TULP4: variants seen among roughly 807,000 people sequenced by gnomAD.
TULP4 encodes tubby-related protein 4.
TULP4 carries 16 observed loss-of-function variants against 129.0 expected under a neutral mutation model. That is an observed-to-expected ratio of 0.12 (90% CI 0.08 to 0.19). TULP4 has a LOEUF of 0.19. Ranked by LOEUF, TULP4 falls within the 10% of genes least tolerant of loss-of-function variation. The pLI, the probability that TULP4 is intolerant of heterozygous loss-of-function variation, is 1.00. For missense variants in TULP4, 1,842 were observed against 2,059.1 expected (o/e 0.89, Z 2.04); for synonymous variants, 998 against 854.0 (o/e 1.17, Z -2.94).
At chr6:158,484,000 C>A (rs949970744) in intron 8 of TULP4, among the ~76,000 whole-genome samples, 1 of 150,854 alleles carries the variant, frequency 6.6e-6, no homozygotes, top group African/African-American at 2.4e-5. Flanking sequence ...CTCATTGCAG[C>A]CTTGAACTCC....
chr6:158,370,070 G>C (rs767981657), intron 1 of TULP4, among the ~76,000 whole-genome samples: 4 of 151,942 alleles, frequency 2.6e-5, no homozygotes, highest in Non-Finnish European at 2.9e-5. Flanking sequence ...GGCATAGCTG[G>C]GCATCGTGGC....
intron 1 of TULP4, among the ~76,000 whole-genome samples, chr6:158,346,251 A>T (rs560371951): frequency 4.6e-5 from 7 of 152,218 alleles, no homozygotes; most frequent in African/African-American, 1.7e-4. Flanking sequence ...TACGAAGATA[A>T]CAGGATTAAG....
At chr6:158,390,467 A>G (rs1269848638) in intron 1 of TULP4, among the ~76,000 whole-genome samples, 1 of 152,176 alleles carries the variant, frequency 6.6e-6, no homozygotes, top group Non-Finnish European at 1.5e-5. Context: ...TTTTGTTTTT[A>G]GTGATTTGTT....
chr6:158,477,567 C>T (rs761179872), intron 6 of TULP4, among the ~76,000 whole-genome samples: 3 of 152,178 alleles, frequency 2.0e-5, no homozygotes, highest in Non-Finnish European at 4.4e-5. Context: ...CAGTGAGATA[C>T]TATCTCACAC....
At position 158,493,776 on chromosome 6, in the gene TULP4, G is replaced by T; in HGVS notation, c.1776+59G>T. 1 of 1,470,658 alleles carries T rather than the reference G, an allele frequency of 6.8e-7. No individual in the cohort carries two copies. 91.1% of individuals were successfully genotyped at this position (1,470,658 alleles called of 1,614,324 possible). The stretch of plus-strand genomic sequence containing the variant: ...TCCTCCTGGGGGCTATGCCCAGAGG[G>T]CCCCTTCCTACCCGCCGCCTGCACT... On this transcript the variant is annotated intron_variant, in intron 10 of 13. Transcript: ENST00000367097. This position sits in a 1 kb window ranked among gnomAD's most constrained non-coding sequence, Gnocchi z 4.4.
chr6:158,344,371 C>T (rs182109815), intron 1 of TULP4, among the ~76,000 whole-genome samples: 1 of 152,324 alleles, frequency 6.6e-6, no homozygotes, highest in African/African-American at 2.4e-5. Flanking sequence ...TTTTACTGAG[C>T]TTCCCTTTAT....
chr6:158,318,964 T>G (rs540885779), intron 1 of TULP4, among the ~76,000 whole-genome samples: 1 of 151,516 alleles, frequency 6.6e-6, no homozygotes, highest in Non-Finnish European at 1.5e-5. Context: ...CAGGCTGGTC[T>G]CAAACTCCTA....
intron 1 of TULP4, among the ~76,000 whole-genome samples, chr6:158,259,816 C>T (rs1778317634): frequency 6.6e-6 from 1 of 152,218 alleles, no homozygotes; most frequent in Non-Finnish European, 1.5e-5. Flanking sequence ...ACTAAACTCA[C>T]AGAAGATGGT....
chr6:158,242,545 T>A (rs1478948652), intron 1 of TULP4: 2 of 747,084 alleles, frequency 2.7e-6, no homozygotes, highest in Non-Finnish European at 5.0e-6. Context: ...ACATTCTCAA[T>A]TCTGTTGAGC....
At chr6:158,254,696 A>T (rs1778213484) in intron 1 of TULP4, among the ~76,000 whole-genome samples, 1 of 152,232 alleles carries the variant, frequency 6.6e-6, no homozygotes, top group African/African-American at 2.4e-5. Flanking sequence ...ATTTTATGAG[A>T]AAACTAAGGC....
chr6:158,324,898 C>CA (rs550424957), intron 1 of TULP4, among the ~76,000 whole-genome samples: 6 of 152,162 alleles, frequency 3.9e-5, no homozygotes, highest in Non-Finnish European at 7.3e-5. Context: ...CACCCTTAAA[C>CA]AGAGTTATGA....
chr6:158,414,131 G>A (rs1385976225), intron 2 of TULP4, among the ~76,000 whole-genome samples: 1 of 152,226 alleles, frequency 6.6e-6, no homozygotes, highest in Admixed American at 6.5e-5. Flanking sequence ...GAGGATTTCT[G>A]TAAGATATCA....
At chr6:158,476,499 C>T (rs1385755915) in intron 6 of TULP4, among the ~76,000 whole-genome samples, 2 of 152,134 alleles carry the variant, frequency 1.3e-5, no homozygotes, top group Non-Finnish European at 2.9e-5. Context: ...AATTCCAAGT[C>T]GTCCGAGCGA....
chr6:158,490,112 C>G (rs1780166653), intron 9 of TULP4, among the ~76,000 whole-genome samples: 1 of 152,170 alleles, frequency 6.6e-6, no homozygotes, highest in African/African-American at 2.4e-5. Flanking sequence ...GCCTGTAATG[C>G]TGGAGCCGGG....
At chr6:158,450,997 G>A (rs1485146778) in intron 4 of TULP4, among the ~76,000 whole-genome samples, 2 of 152,136 alleles carry the variant, frequency 1.3e-5, no homozygotes, top group Middle Eastern at 3.4e-3. Flanking sequence ...CCCGGGAGGC[G>A]GAGCCTGCAG....
At chr6:158,448,961 G>A (rs1247344890) in intron 3 of TULP4, 35 bp from the exon 4 acceptor site, 2 of 1,567,458 alleles carry the variant, frequency 1.3e-6, no homozygotes, top group Non-Finnish European at 1.7e-6. Flanking sequence ...GGCCCTTGCT[G>A]CCACTTGGTC....
At position 158,503,018 on chromosome 6, in the gene TULP4, C is replaced by T. The variant is rs765007222; in HGVS notation, c.3355C>T (p.Pro1119Ser). Residue 1119 changes from proline to serine, a missense_variant, in exon 13 of 14, where the codon CCA (proline) becomes TCA (serine). Pro to Ser is a moderately conservative substitution (Grantham distance 74). This residue lies in a region of TULP4 where 1,089 missense variants were observed against 987.1 expected (regional missense o/e 1.10). Transcript: ENST00000367097. The surrounding 1 kb of genome is among the most constrained non-coding windows in gnomAD (Gnocchi z 4.3). ...TGAAGCTGCTGTCACCCTGAAACGG[C>T]CACCCCCTTACCAGTGGGACCCCAT... ...LPEAAVTLKR[P>S]PPYQWDPMLG... The T allele has an allele frequency of 7.4e-6, 12 of 1,614,134 alleles. No homozygotes were observed. In the Admixed American group the frequency reaches 1.0e-4, roughly 13 times the overall value.
rs550632696 is a variant in TULP4 at position 158,237,515 on chromosome 6, G to A, written n.68+5212G>A. ...CTACTCACAGTTTTTCTGGCATCCAGTTCAGATGAAGCTCCTGCAGTTGCT... is the reference window on the plus strand; with the variant it reads ...CTACTCACAGTTTTTCTGGCATCCAATTCAGATGAAGCTCCTGCAGTTGCT... On this transcript the variant is annotated intron_variant and non_coding_transcript_variant, in intron 1 of 1. Coordinates refer to the TULP4 transcript ENST00000620026. The A allele has an allele frequency of 9.2e-5, 143 of 1,558,920 alleles. No homozygotes were observed. The East Asian group carries it at 2.9e-3, about 32-fold the overall frequency.
intron 3 of TULP4, among the ~76,000 whole-genome samples, chr6:158,445,677 T>C (rs115498115): frequency 6.6e-6 from 1 of 152,190 alleles, no homozygotes; most frequent in Non-Finnish European, 1.5e-5. Context: ...AACCAGCTGA[T>C]GTACTAGACA....
Sources: allele counts gnomAD v4.1 joint callset (sites outside exome capture counted in the v4.1 genomes callset), GRCh38; gene constraint gnomAD v4.1.1; regional missense constraint gnomAD v4.1.1; non-coding constraint Gnocchi (gnomAD v3.1); transcripts MANE v1.5; gene names NCBI Gene and HGNC (gene_info 2026-07-23, HGNC 2026-07-21).